CNBD2: variants seen among roughly 807,000 people sequenced by gnomAD.
CNBD2 encodes cyclic nucleotide binding domain containing 2.
CNBD2 carries 64 observed loss-of-function variants against 63.7 expected under a neutral mutation model. The ratio of observed to expected loss-of-function variants is 1.00; its 90% CI spans 0.82 to 1.24. The LOEUF is 1.24. Ranked by LOEUF, CNBD2 falls within the 50% of genes most tolerant of loss-of-function variation. The probability of loss-of-function intolerance (pLI) is 0.00; values close to 1 mark genes in which losing one functional copy is unlikely to be tolerated. For synonymous variants in CNBD2, 229 were observed against 255.4 expected (o/e 0.90, Z 0.99); for missense variants, 691 against 713.5 (o/e 0.97, Z 0.36).
upstream of CNBD2, among the ~76,000 whole-genome samples, chr20:35,966,794 G>A (rs766078504): frequency 6.6e-6 from 1 of 152,168 alleles, no homozygotes; most frequent in East Asian, 1.9e-4. Flanking sequence ...GCCTCCCGCT[G>A]TAACAAAGTA....
chr20:35,957,641 C>A (rs1196616561), downstream of CNBD2: 1 of 152,144 alleles, frequency 6.6e-6, no homozygotes, highest in Non-Finnish European at 1.5e-5. Context: ...ATGTAATTTA[C>A]ATATATCCTT....
chr20:35,980,217 C>T (rs2056576941), intron 3 of CNBD2, among the ~76,000 whole-genome samples: 1 of 152,088 alleles, frequency 6.6e-6, no homozygotes, highest in African/African-American at 2.4e-5. Context: ...TGTCAGATCT[C>T]CTAATCCTGC....
chr20:35,993,295 CCTT>C (rs1195354555), intron 7 of CNBD2, among the ~76,000 whole-genome samples: 1 of 152,162 alleles, frequency 6.6e-6, no homozygotes, highest in Non-Finnish European at 1.5e-5. Flanking sequence ...CTCCTGTGCT[CCTT>C]CCTAGACAAA....
rs866869413 is a variant in CNBD2 at position 36,000,901 on chromosome 20, G to A, written c.970+5749G>A. 4.6e-5 allele frequency among the ~76,000 whole-genome samples: 7 copies of A among 151,680 alleles called. 1 individual carries two copies. The Middle Eastern group carries it at 0.017, about 369-fold the overall frequency. The stretch of plus-strand genomic sequence containing the variant: ...TAGGCAGAGGACCCTGCGGCCTTCC[G>A]CAGTGTTTGTGTCCCTGGGTATTTG... On this transcript the variant is annotated intron_variant, in intron 8 of 11. Coordinates refer to ENST00000373973, the MANE Select transcript of CNBD2 (RefSeq NM_001365709.1).
At chr20:35,967,006 C>T (rs1487441409), upstream of CNBD2, among the ~76,000 whole-genome samples, 1 of 152,204 alleles carries the variant, frequency 6.6e-6, no homozygotes, top group Admixed American at 6.5e-5. Flanking sequence ...GTAGAAACCT[C>T]TCCCACCAGA....
chr20:36,019,529 G>GAAAAAAAAAAAAAAAAAAAAAAAA (rs60556168), intron 10 of CNBD2, among the ~76,000 whole-genome samples: 1 of 71,712 alleles, frequency 1.4e-5, no homozygotes, highest in Non-Finnish European at 3.1e-5. Context: ...CTCAAAAAAA[G>GAAAAAAAAAAAAAAAAAAAAAAAA]AAAAAAAAAA....
chr20:35,969,970 C>G (rs2056389849), intron 1 of CNBD2, among the ~76,000 whole-genome samples: 1 of 152,102 alleles, frequency 6.6e-6, no homozygotes, highest in South Asian at 2.1e-4. Flanking sequence ...TTTCCATTTC[C>G]ATTATTTCTA....
At position 36,008,924 on chromosome 20, in the gene CNBD2, A is replaced by AG. The variant is rs1210788048; in HGVS notation, c.1148+453dup. Among the ~76,000 whole-genome samples, 1,196 of 149,102 alleles carry AG rather than the reference A, an allele frequency of 8.0e-3. 13 individuals carry two copies. Among genetic ancestry groups the AG allele is most frequent in the African/African-American group, 0.029 (1,130 of 38,504 alleles). On this transcript the variant is annotated intron_variant, in intron 9 of 11. Transcript: ENST00000373973. ...ATTTTAGCTCTTATTTTAGAGGTCA[A>AG]GGGACTTGACCTCTCTAAGCTGTAT...
intron 3 of CNBD2, among the ~76,000 whole-genome samples, chr20:35,979,065 C>G (rs2056561638): frequency 6.6e-6 from 1 of 152,192 alleles, no homozygotes; most frequent in South Asian, 2.1e-4. Flanking sequence ...GTCATTCTTT[C>G]TTGATCCTTC....
intron 8 of CNBD2, among the ~76,000 whole-genome samples, chr20:36,000,758 T>TG (rs1349329224): frequency 6.7e-6 from 1 of 150,214 alleles, no homozygotes; most frequent in Non-Finnish European, 1.5e-5. Flanking sequence ...ATGAAATTTT[T>TG]TTTTTTTTTT....
chr20:35,987,223 G>A (rs902142241), intron 6 of CNBD2, among the ~76,000 whole-genome samples, 172 bp from the exon 7 acceptor site: 1 of 152,230 alleles, frequency 6.6e-6, no homozygotes, highest in South Asian at 2.1e-4. Flanking sequence ...GAGCCAAGGT[G>A]ATAGCAGGTA....
chr20:36,002,407 G>C (rs2056926394), intron 8 of CNBD2, among the ~76,000 whole-genome samples: 1 of 152,106 alleles, frequency 6.6e-6, no homozygotes, highest in Non-Finnish European at 1.5e-5. Flanking sequence ...GAGGGAGAGG[G>C]AGACCGTGGG....
intron 7 of CNBD2, among the ~76,000 whole-genome samples, chr20:35,990,911 A>G (rs1421988099): frequency 6.6e-6 from 1 of 152,202 alleles, no homozygotes; most frequent in East Asian, 1.9e-4. Flanking sequence ...AGATCATGCC[A>G]CTGCTCTCCA....
intron 2 of CNBD2, 129 bp downstream of exon 2, chr20:35,972,895 A>G: frequency 1.2e-6 from 1 of 816,376 alleles, no homozygotes; most frequent in Non-Finnish European, 1.9e-6. Flanking sequence ...CCCAATGGTC[A>G]CTTTTATTAA....
intron 3 of CNBD2, among the ~76,000 whole-genome samples, chr20:35,979,299 T>C (rs959406604): frequency 2.6e-5 from 4 of 152,338 alleles, no homozygotes; most frequent in Admixed American, 2.6e-4. Flanking sequence ...CAGCCTGCCA[T>C]TGAGGAGCTA....
At chr20:35,960,329 C>T (rs185350021), downstream of CNBD2, among the ~76,000 whole-genome samples, 2 of 152,306 alleles carry the variant, frequency 1.3e-5, no homozygotes, top group Admixed American at 1.3e-4. Context: ...CTCATCAGCA[C>T]TTAGTATTTC....
chr20:35,970,697 C>CTGTTTGTT (rs967554676), intron 1 of CNBD2, among the ~76,000 whole-genome samples: 12 of 151,978 alleles, frequency 7.9e-5, no homozygotes, highest in Admixed American at 7.9e-4. Flanking sequence ...TGTGCCAGAG[C>CTGTTTGTT]TGTTTGTTTG....
chr20:36,008,233 TACC>T, intron 8 of CNBD2, 61 bp from the exon 9 acceptor site: 1 of 1,367,806 alleles, frequency 7.3e-7, no homozygotes, highest in Non-Finnish European at 1.0e-6. Flanking sequence ...CTTCAACTAC[TACC>T]ACCATAACCA....
rs552322313 is a variant in CNBD2, at chr20:36,001,676, C to T, written c.970+6524C>T. Among the ~76,000 whole-genome samples the T allele has an allele frequency of 2.1e-3, 322 of 151,040 alleles. 1 individual carries two copies. Among genetic ancestry groups the T allele is most frequent in the Non-Finnish European group, 3.2e-3 (218 of 67,714 alleles). ...CCAGGCGGAGGGTCTCCTCACTTCT[C>T]AGACGGGGCGGCCGGGCAGAGACGC... On this transcript the variant is annotated intron_variant, in intron 8 of 11. Coordinates refer to ENST00000373973, the MANE Select transcript of CNBD2 (RefSeq NM_001365709.1).
Sources: allele counts gnomAD v4.1 joint callset (sites outside exome capture counted in the v4.1 genomes callset), GRCh38; gene constraint gnomAD v4.1.1; transcripts MANE v1.5; gene names NCBI Gene and HGNC (gene_info 2026-07-23, HGNC 2026-07-21).